SIRT7: variants seen among roughly 807,000 people sequenced by gnomAD.
SIRT7 encodes sirtuin 7, also known as NAD-dependent protein deacetylase sirtuin-7.
In SIRT7, 32 loss-of-function variants were observed where a neutral mutation model predicts 42.8. That is an observed-to-expected ratio of 0.75 (90% CI 0.56 to 1.00). SIRT7 has a LOEUF of 1.00. SIRT7 is among the 50% of genes least tolerant of loss of function. The pLI, the probability that SIRT7 is intolerant of heterozygous loss-of-function variation, is 0.00. For synonymous variants in SIRT7, 297 were observed against 245.2 expected, an observed-to-expected ratio of 1.21 and a Z score of -1.97; for missense variants, 553 against 572.2, an observed-to-expected ratio of 0.97 and a Z score of 0.34.
rs774751105 is a variant in SIRT7, at chr17:81,912,371, A to G, written c.*45T>C. On this transcript the variant is annotated 3_prime_UTR_variant, in exon 10 of 10. Coordinates refer to ENST00000328666, the MANE Select transcript of SIRT7 (RefSeq NM_016538.3). The stretch of plus-strand genomic sequence containing the variant: ...GGGGCAACCCAGCCTTCACCGTGAC[A>G]CTGGCCATCTGCAAAGTGCCAACTG... 2.1e-5 allele frequency: 34 copies of G among 1,611,080 alleles called. No homozygotes were observed. Among genetic ancestry groups the G allele is most frequent in the Non-Finnish European group, 2.8e-5 (33 of 1,177,532 alleles).
At chr17:81,912,797 A>G (rs1398569833) in intron 9 of SIRT7, 183 bp from the exon 10 acceptor site, 2 of 679,980 alleles carry the variant, frequency 2.9e-6, no homozygotes, top group Non-Finnish European at 5.2e-6. Flanking sequence ...GATGTGGGAG[A>G]GGTCACCTCT....
chr17:81,918,047 G>C lies in SIRT7; in HGVS notation c.85C>G (p.Leu29Val), dbSNP rs1251072463. The C allele has an allele frequency of 6.6e-7, 1 of 1,510,208 alleles. No individual in the cohort carries two copies. The highest frequency in any genetic ancestry group is 2.7e-5 in the East Asian group (1 of 36,872). The allele number at this position is 1,510,208 out of a possible 1,614,324, so 93.6% of individuals were successfully genotyped here. A position where few individuals can be genotyped will look rare whatever the true frequency, so the allele number is the denominator to read the frequency against. Reference protein sequence around the residue: ...RLREEQQRERLRQVSRILRKA... With the variant: ...RLREEQQRERVRQVSRILRKA... The stretch of plus-strand genomic sequence containing the variant: ...GAGCGGCGGCGGCGTACCTGGCGGA[G>C]GCGCTCCCTCTGCTGCTCCTCCCGC... The change falls in exon 1 of 10, where the codon CTC becomes GTC. Residue 29 changes from leucine to valine, a missense_variant. Physicochemically the swap from Leu to Val is conservative, Grantham distance 32 (BLOSUM62 1). Coordinates refer to ENST00000328666, the MANE Select transcript of SIRT7 (RefSeq NM_016538.3).
intron 9 of SIRT7, 28 bp from the exon 10 acceptor site, chr17:81,912,642 C>G: frequency 3.1e-6 from 5 of 1,599,642 alleles, no homozygotes; most frequent in Non-Finnish European, 4.3e-6. Context: ...CGGCATCAGG[C>G]GGGCCTGGGA....
intron 5 of SIRT7, 75 bp from the exon 6 acceptor site, chr17:81,914,777 G>A (rs1053108217): frequency 2.0e-5 from 26 of 1,268,896 alleles, no homozygotes; most frequent in East Asian, 4.6e-5. Flanking sequence ...CGGCCACAGC[G>A]AGGCTGTTCT....
intron 9 of SIRT7, 149 bp from the exon 10 acceptor site, chr17:81,912,763 T>G (rs2040707706): frequency 1.2e-6 from 1 of 817,818 alleles, no homozygotes; most frequent in South Asian, 1.5e-5. Context: ...GGCGGCAGCT[T>G]CATTGTTACC....
At position 81,912,340 on chromosome 17, in the gene SIRT7, C is replaced by G. The variant is rs2040684154; in HGVS notation, c.*76G>C. On this transcript the variant is annotated 3_prime_UTR_variant, in exon 10 of 10. Transcript: ENST00000328666. ...CCCCAAAGAGTTCGTTCTCCCTAGA[C>G]CCGTGGGGGCAACCCAGCCTTCACC... 5 of 1,567,304 alleles carry G rather than the reference C, an allele frequency of 3.2e-6. No homozygotes were observed. The highest frequency in any genetic ancestry group is 1.4e-5 in the African/African-American group (1 of 73,956).
intron 5 of SIRT7, 185 bp from the exon 6 acceptor site, chr17:81,914,887 G>A: frequency 3.3e-6 from 2 of 598,850 alleles, no homozygotes; most frequent in South Asian, 3.9e-5. Flanking sequence ...GGAGTCAAGA[G>A]GGCCTGTGGT....
chr17:81,915,389 A>T (rs762908009), intron 5 of SIRT7, 51 bp downstream of exon 5: 1 of 1,580,884 alleles, frequency 6.3e-7, no homozygotes, highest in South Asian at 1.1e-5. Context: ...CTGGGCACCA[A>T]GGTGCTCTGC....
chr17:81,915,313 C>A (rs1438687674), intron 5 of SIRT7, 127 bp downstream of exon 5: 4 of 1,083,576 alleles, frequency 3.7e-6, no homozygotes, highest in Non-Finnish European at 5.4e-6. Flanking sequence ...GCGGCCTAAC[C>A]CGCTTGGTGG....
chr17:81,917,684 G>A lies in SIRT7; in HGVS notation c.267C>T (p.Val89=), dbSNP rs1320772785. ...CDDPEELRGK[V]RELASAVRNA... ...TCCGGACGGCGCTGGCCAGCTCCCGGACCTTCCCCCGCAGCTCCTCCGGGT... is the reference window on the plus strand; with the variant it reads ...TCCGGACGGCGCTGGCCAGCTCCCGAACCTTCCCCCGCAGCTCCTCCGGGT... Residue 89 remains valine, a synonymous_variant, in exon 3 of 10, where the codon GTC becomes GTT. Transcript: ENST00000328666. 6.2e-7 allele frequency: 1 copy of A among 1,604,992 alleles called. No homozygotes were observed. Among genetic ancestry groups the A allele is most frequent in the South Asian group, 1.1e-5 (1 of 89,596 alleles).
At chr17:81,912,802 A>AC (rs2143776308) in intron 9 of SIRT7, 188 bp from the exon 10 acceptor site, 1 of 658,628 alleles carries the variant, frequency 1.5e-6, no homozygotes, top group African/African-American at 1.8e-5. Flanking sequence ...GGGAGAGGTC[A>AC]CCTCTTAGGT....
Position 81,912,741 on chromosome 17 carries a change from G to T in SIRT7, c.1005-127C>A, listed in dbSNP as rs964375564. 9 of 1,037,142 alleles carry T rather than the reference G, an allele frequency of 8.7e-6. No individual in the cohort carries two copies. In the African/African-American group the frequency reaches 1.4e-4, roughly 16 times the overall value. 64.2% of individuals were successfully genotyped at this position (1,037,142 alleles called of 1,614,324 possible). ...CCTTCCCTCCCGTGTCAACTGCGGC[G>T]GGGCTCTGGTTGGCGGCAGCTTCAT... On this transcript the variant is annotated intron_variant, in intron 9 of 9. Coordinates refer to ENST00000328666, the MANE Select transcript of SIRT7 (RefSeq NM_016538.3).
rs2040758578 is a variant in SIRT7 at position 81,914,625 on chromosome 17, G to A, written c.558C>T (p.Leu186=). 1.2e-6 allele frequency: 2 copies of A among 1,613,142 alleles called. No homozygotes were observed. Among genetic ancestry groups the A allele is most frequent in the East Asian group, 4.5e-5 (2 of 44,882 alleles). ...SGLPRTAISE[L]HGNMYIEVCT... ...TCACTTCAATGTACATGTTCCCGTG[G>A]AGCTCGGAGATGGCCGTGCGCGGCA... The change falls in exon 6 of 10, where the codon CTC becomes CTT. Residue 186 remains leucine, a synonymous_variant. Coordinates refer to ENST00000328666, the MANE Select transcript of SIRT7 (RefSeq NM_016538.3).
At position 81,918,133 on chromosome 17, in the gene SIRT7, G is replaced by C. The variant is rs900177492; in HGVS notation, c.-2C>G. The C allele has an allele frequency of 3.3e-6, 5 of 1,531,470 alleles. No individual in the cohort carries two copies. The highest frequency in any genetic ancestry group is 3.5e-6 in the Non-Finnish European group (4 of 1,148,412). 94.9% of individuals were successfully genotyped at this position (1,531,470 alleles called of 1,614,324 possible). On this transcript the variant is annotated 5_prime_UTR_variant, in exon 1 of 10. Transcript: ENST00000328666. ...GCGGCTCAGACCCCCGGCTGCCATC[G>C]CTCCCCTGGAGACCTGCTCTTCCGC...
chr17:81,917,454 TA>T, intron 3 of SIRT7, 160 bp downstream of exon 3: 1 of 594,676 alleles, frequency 1.7e-6, no homozygotes, highest in Non-Finnish European at 2.7e-6. Context: ...TAACTGGCTG[TA>T]ACACAGAGGC....
At position 81,913,451 on chromosome 17, in the gene SIRT7, T is replaced by C. The variant is rs757515728; in HGVS notation, c.1004+323A>G. The stretch of plus-strand genomic sequence containing the variant: ...CACACAGATTCTGTCTGACCAGAGC[T>C]GCCGAGTGCTCGTCCCCTCCAGATG... On this transcript the variant is annotated intron_variant, in intron 9 of 9. Transcript: ENST00000328666. The surrounding 1 kb of genome is among the most constrained non-coding windows in gnomAD (Gnocchi z 5.0). The C allele has an allele frequency of 1.4e-5, 6 of 439,680 alleles. No homozygotes were observed. Among genetic ancestry groups the C allele is most frequent in the Non-Finnish European group, 2.6e-5 (6 of 230,188 alleles). 27.2% of individuals were successfully genotyped at this position (439,680 alleles called of 1,614,324 possible).
At chr17:81,917,572 G>C (rs2040828781) in intron 3 of SIRT7, 43 bp downstream of exon 3, 1 of 1,498,604 alleles carries the variant, frequency 6.7e-7, no homozygotes, top group Admixed American at 2.1e-5. Flanking sequence ...GATTACTGGA[G>C]CTCATACTCC....
At chr17:81,914,009 G>GT (rs1170730843) in intron 8 of SIRT7, 78 bp downstream of exon 8, 1 of 1,584,270 alleles carries the variant, frequency 6.3e-7, no homozygotes, top group Non-Finnish European at 8.6e-7. Flanking sequence ...GACCGCCCTG[G>GT]TGCATGGGTG....
Position 81,917,686 on chromosome 17 carries a change from C to T in SIRT7, c.265G>A (p.Val89Ile). Reference sequence around the variant, plus strand: ...CGGACGGCGCTGGCCAGCTCCCGGACCTTCCCCCGCAGCTCCTCCGGGTCG... The same window carrying T: ...CGGACGGCGCTGGCCAGCTCCCGGATCTTCCCCCGCAGCTCCTCCGGGTCG... The part of the protein sequence containing the change: ...CDDPEELRGK[V>I]RELASAVRNA... The change falls in exon 3 of 10, where the codon GTC (valine) becomes ATC (isoleucine). Residue 89 changes from valine (V) to isoleucine (I), a missense_variant. Physicochemically the swap from Val to Ile is conservative, Grantham distance 29. Coordinates refer to ENST00000328666, the MANE Select transcript of SIRT7 (RefSeq NM_016538.3). 6.2e-7 allele frequency: 1 copy of T among 1,605,072 alleles called. No individual in the cohort carries two copies. The highest frequency in any genetic ancestry group is 8.5e-7 in the Non-Finnish European group (1 of 1,176,642).
Sources: allele counts gnomAD v4.1 joint callset, GRCh38; gene constraint gnomAD v4.1.1; non-coding constraint Gnocchi (gnomAD v3.1); transcripts MANE v1.5; gene names NCBI Gene and HGNC (gene_info 2026-07-23, HGNC 2026-07-21).